PLEKHA6: variants seen among roughly 807,000 people sequenced by gnomAD.
The protein encoded by PLEKHA6 is pleckstrin homology domain containing A6, also known as pleckstrin homology domain-containing family A member 6.
PLEKHA6 carries 60 observed loss-of-function variants against 116.7 expected under a neutral mutation model. That is an observed-to-expected ratio of 0.51 (90% confidence interval 0.42 to 0.64). The LOEUF (loss-of-function observed/expected upper bound fraction) is 0.64. Ranked by LOEUF, PLEKHA6 falls within the 30% of genes least tolerant of loss-of-function variation. The pLI is 0.00. For synonymous variants in PLEKHA6, 489 were observed against 556.1 expected, an observed-to-expected ratio of 0.88 and a Z score of 1.70; for missense variants, 1,338 against 1,422.7, an observed-to-expected ratio of 0.94 and a Z score of 0.96.
chr1:204,319,457 A>G (rs2103216409), intron 1 of PLEKHA6, among the ~76,000 whole-genome samples: 1 of 152,270 alleles, frequency 6.6e-6, no homozygotes, highest in African/African-American at 2.4e-5. Flanking sequence ...ACATTAAGAG[A>G]CTTACTCATT....
chr1:204,289,922 A>C (rs1558144997), intron 1 of PLEKHA6, among the ~76,000 whole-genome samples: 1 of 152,238 alleles, frequency 6.6e-6, no homozygotes, highest in Non-Finnish European at 1.5e-5. Flanking sequence ...CAAACAATGA[A>C]AAAAGGAAAT....
At chr1:204,348,241 G>A (rs1397825745) in intron 1 of PLEKHA6, among the ~76,000 whole-genome samples, 1 of 152,212 alleles carries the variant, frequency 6.6e-6, no homozygotes, top group Middle Eastern at 3.2e-3. Flanking sequence ...GACATGGCTA[G>A]AGCTGAAGCT....
chr1:204,273,170 C>T (rs1338585894), intron 3 of PLEKHA6, among the ~76,000 whole-genome samples: 2 of 152,212 alleles, frequency 1.3e-5, no homozygotes, highest in African/African-American at 4.8e-5. Flanking sequence ...AGCTCTCAAT[C>T]ACCATGACCT....
At chr1:204,361,508 T>A (rs1673559151), upstream of PLEKHA6, among the ~76,000 whole-genome samples, 1 of 152,204 alleles carries the variant, frequency 6.6e-6, no homozygotes, top group Non-Finnish European at 1.5e-5. Flanking sequence ...CAGGCCAGGC[T>A]GGAGCCAGGA....
At chr1:204,262,382 G>GTC (rs981258125) in intron 6 of PLEKHA6, among the ~76,000 whole-genome samples, 1 of 152,204 alleles carries the variant, frequency 6.6e-6, no homozygotes, top group Non-Finnish European at 1.5e-5. Context: ...CGGGAAAAGA[G>GTC]TCTGCCTGGT....
intron 1 of PLEKHA6, among the ~76,000 whole-genome samples, chr1:204,356,513 G>A: frequency 6.6e-6 from 1 of 152,048 alleles, no homozygotes; most frequent in East Asian, 1.9e-4. Context: ...ACTGCAGTGA[G>A]CAGAGATTGT....
At chr1:204,278,592 A>G (rs1668264310) in intron 1 of PLEKHA6, among the ~76,000 whole-genome samples, 1 of 152,246 alleles carries the variant, frequency 6.6e-6, no homozygotes, top group African/African-American at 2.4e-5. Flanking sequence ...CAACATTATT[A>G]TTTAACCCAT....
chr1:204,363,050 G>A (rs1193496648), upstream of PLEKHA6, among the ~76,000 whole-genome samples: 1 of 152,226 alleles, frequency 6.6e-6, no homozygotes, highest in Non-Finnish European at 1.5e-5. Flanking sequence ...TAGAGCTAGT[G>A]GGGTCACTGT....
At position 204,245,022 on chromosome 1, in the gene PLEKHA6, A is replaced by T; in HGVS notation, c.2033-19T>A. ...AGTCCTCCTTGGGGGAAACAAGGGG[A>T]TGGGTGAGCAATGGAGGAGGGGTGC... On this transcript the variant is annotated intron_variant, in intron 14 of 22. Coordinates refer to ENST00000272203, the MANE Select transcript of PLEKHA6 (RefSeq NM_014935.5). 3 of 1,400,634 alleles carry T rather than the reference A, an allele frequency of 2.1e-6. No homozygotes were observed. The highest frequency in any genetic ancestry group is 2.8e-6 in the Non-Finnish European group (3 of 1,073,648). The allele number at this position is 1,400,634 out of a possible 1,614,324, so 86.8% of individuals were successfully genotyped here. A position where few individuals can be genotyped will look rare whatever the true frequency, so the allele number is the denominator to read the frequency against.
chr1:204,261,278 C>T lies in PLEKHA6; in HGVS notation c.524+28G>A, dbSNP rs368431678. On this transcript the variant is annotated intron_variant, in intron 7 of 22. Coordinates refer to ENST00000272203, the MANE Select transcript of PLEKHA6 (RefSeq NM_014935.5). This position sits in a 1 kb window ranked among gnomAD's most constrained non-coding sequence, Gnocchi z 4.0. ...CATTCCCCTCTTTATTCTTCCTGCACCCCCACACTCAATTCCCTGGCACTC... is the reference window on the plus strand; with the variant it reads ...CATTCCCCTCTTTATTCTTCCTGCATCCCCACACTCAATTCCCTGGCACTC... 9.7e-5 allele frequency: 156 copies of T among 1,613,366 alleles called. No homozygotes were observed. Among genetic ancestry groups the T allele is most frequent in the Non-Finnish European group, 1.2e-4 (147 of 1,179,388 alleles).
chr1:204,291,389 C>T (rs1669737300), intron 1 of PLEKHA6, among the ~76,000 whole-genome samples: 1 of 152,120 alleles, frequency 6.6e-6, no homozygotes, highest in South Asian at 2.1e-4. Flanking sequence ...GTTTAAACAT[C>T]CATGCACCAT....
chr1:204,250,476 GA>G, intron 10 of PLEKHA6, 69 bp downstream of exon 10: 2 of 1,045,266 alleles, frequency 1.9e-6, no homozygotes, highest in Non-Finnish European at 3.0e-6. Flanking sequence ...TGGATGGAGA[GA>G]CAGCCCCCCG....
intron 1 of PLEKHA6, among the ~76,000 whole-genome samples, chr1:204,315,169 T>C (rs1671808427): frequency 6.6e-6 from 1 of 152,314 alleles, no homozygotes; most frequent in Middle Eastern, 3.4e-3. Flanking sequence ...CATTTAGGAC[T>C]CTGTCCTTGG....
chr1:204,313,058 CCCTCCCTT>C (rs1308231864), intron 1 of PLEKHA6, among the ~76,000 whole-genome samples: 1 of 119,858 alleles, frequency 8.3e-6, no homozygotes, highest in Non-Finnish European at 1.7e-5. Context: ...GTCCCTCCCT[CCCTCCCTT>C]CCTCCCTTCC....
chr1:204,259,243 G>A lies in PLEKHA6; in HGVS notation c.1007+15C>T, dbSNP rs552810658. 49 of 1,610,484 alleles carry A rather than the reference G, an allele frequency of 3.0e-5. No homozygotes were observed. The highest frequency in any genetic ancestry group is 5.3e-5 in the African/African-American group (4 of 75,010). On this transcript the variant is annotated intron_variant, in intron 8 of 22. Coordinates refer to ENST00000272203, the MANE Select transcript of PLEKHA6 (RefSeq NM_014935.5). This position sits in a 1 kb window ranked among gnomAD's most constrained non-coding sequence, Gnocchi z 4.6. ...ATACCATATCAGCCCCACCCCAGCCGCCGGCATGCCTCACCTCCGAAGGTC... is the reference window on the plus strand; with the variant it reads ...ATACCATATCAGCCCCACCCCAGCCACCGGCATGCCTCACCTCCGAAGGTC...
intron 3 of PLEKHA6, among the ~76,000 whole-genome samples, chr1:204,270,893 C>A (rs1327716973): frequency 2.6e-5 from 4 of 152,198 alleles, no homozygotes; most frequent in Admixed American, 1.3e-4. Flanking sequence ...TCGCAGTGTG[C>A]TCCCTGGCAT....
chr1:204,311,760 A>AAGG (rs1157844817), intron 1 of PLEKHA6: 166 of 667,066 alleles, frequency 2.5e-4, no homozygotes, highest in Non-Finnish European at 3.1e-4. Context: ...GAAAGCCCTA[A>AAGG]GATTACACTC....
intron 9 of PLEKHA6, chr1:204,255,506 T>C (rs1665154430): frequency 1.6e-6 from 1 of 642,508 alleles, no homozygotes; most frequent in African/African-American, 1.8e-5. Context: ...AGCCACTTTG[T>C]TGTGTCCTGC....
intron 9 of PLEKHA6, among the ~76,000 whole-genome samples, chr1:204,254,445 AT>A (rs138649270): frequency 7.3e-5 from 11 of 150,926 alleles, no homozygotes; most frequent in South Asian, 2.1e-4. Context: ...CTCATTTAAA[AT>A]TTTTTTTTTC....
Sources: allele counts gnomAD v4.1 joint callset (sites outside exome capture counted in the v4.1 genomes callset), GRCh38; gene constraint gnomAD v4.1.1; non-coding constraint Gnocchi (gnomAD v3.1); transcripts MANE v1.5; gene names NCBI Gene and HGNC (gene_info 2026-07-23, HGNC 2026-07-21).